CDH12: variants seen among roughly 807,000 people sequenced by gnomAD.
CDH12 encodes the protein cadherin 12, also known as cadherin-12.
CDH12 carries 41 observed loss-of-function variants against 74.1 expected under a neutral mutation model. That is an observed-to-expected ratio of 0.55 (90% CI 0.43 to 0.72). The LOEUF (loss-of-function observed/expected upper bound fraction) is 0.72, where lower values mean the gene tolerates loss of function less well. Among genes scored for constraint, CDH12 ranks in the 30% least tolerant of loss-of-function variants. CDH12 has a pLI of 0.00. For synonymous variants in CDH12, 399 were observed against 355.0 expected (o/e 1.12, Z -1.39); for missense variants, 945 against 977.2 (o/e 0.97, Z 0.44).
At chr5:22,150,736 C>T (rs1036598868) in intron 4 of CDH12, among the ~76,000 whole-genome samples, 3 of 152,026 alleles carry the variant, frequency 2.0e-5, no homozygotes, top group African/African-American at 4.8e-5. Context: ...AAGCACTGGG[C>T]CAGACAGACC....
At chr5:21,859,534 C>T (rs1425962633) in intron 6 of CDH12, among the ~76,000 whole-genome samples, 2 of 151,848 alleles carry the variant, frequency 1.3e-5, no homozygotes, top group African/African-American at 4.8e-5. Flanking sequence ...CTCGCATAGC[C>T]AGGATTCACC....
intron 1 of CDH12, among the ~76,000 whole-genome samples, chr5:22,787,138 C>CA (rs554678377): frequency 6.7e-6 from 1 of 148,662 alleles, no homozygotes; most frequent in Non-Finnish European, 1.5e-5. Context: ...CACACACACA[C>CA]CACACACACA....
At chr5:22,553,280 A>G (rs1404973306) in intron 1 of CDH12, among the ~76,000 whole-genome samples, 1 of 152,196 alleles carries the variant, frequency 6.6e-6, no homozygotes, top group Non-Finnish European at 1.5e-5. Flanking sequence ...AATTTCAAAG[A>G]GTAAATATAT....
At chr5:22,644,073 T>C (rs562291255) in intron 1 of CDH12, among the ~76,000 whole-genome samples, 1 of 152,166 alleles carries the variant, frequency 6.6e-6, no homozygotes, top group African/African-American at 2.4e-5. Context: ...CTTCCTCTCC[T>C]CGGTGCTCCG....
At chr5:21,884,301 G>A (rs1752515598) in intron 6 of CDH12, 1 of 1,412,688 alleles carries the variant, frequency 7.1e-7, no homozygotes, top group Non-Finnish European at 1.0e-6. Context: ...TATGGGAGGT[G>A]GCATGTTCTA....
At chr5:22,305,393 T>G (rs1186469155) in intron 3 of CDH12, among the ~76,000 whole-genome samples, 2 of 152,202 alleles carry the variant, frequency 1.3e-5, no homozygotes, top group Non-Finnish European at 2.9e-5. Flanking sequence ...GCTAAGATAG[T>G]GTCTGTGTAT....
chr5:22,309,509 C>CAT (rs951510418), intron 3 of CDH12, among the ~76,000 whole-genome samples: 10 of 152,034 alleles, frequency 6.6e-5, no homozygotes, highest in Admixed American at 2.6e-4. Context: ...TCTCGATATA[C>CAT]ATATATATAG....
intron 1 of CDH12, among the ~76,000 whole-genome samples, chr5:22,774,259 A>T (rs1746971237): frequency 6.6e-6 from 1 of 152,210 alleles, no homozygotes; most frequent in Non-Finnish European, 1.5e-5. Context: ...AATAAAGAAA[A>T]TGTGATACAT....
Position 22,078,464 on chromosome 5 carries a change from C to A in CDH12, c.213G>T (p.Glu71Asp). The change falls in exon 5 of 15, where the codon GAG (glutamate) becomes GAT (aspartate). Residue 71 changes from glutamate to aspartate, a missense_variant. Glu to Asp is a conservative substitution (Grantham distance 45). This residue lies in a region of CDH12 where 148 missense variants were observed against 162.8 expected (regional missense o/e 0.91). Coordinates refer to ENST00000382254, the MANE Select transcript of CDH12 (RefSeq NM_004061.5). ...FFVLEEYVGS[E>D]PQYVGKLHSD... ...CCATTACCTTTCCCACATACTGAGGCTCGGAGCCCACGTATTCTTCCAGCA... is the reference window on the plus strand; with the variant it reads ...CCATTACCTTTCCCACATACTGAGGATCGGAGCCCACGTATTCTTCCAGCA... The A allele has an allele frequency of 6.8e-6, 11 of 1,613,734 alleles. No individual in the cohort carries two copies. The highest frequency in any genetic ancestry group is 9.3e-6 in the Non-Finnish European group (11 of 1,179,758).
chr5:21,942,063 G>A (rs1352520745), intron 6 of CDH12, among the ~76,000 whole-genome samples: 1 of 152,066 alleles, frequency 6.6e-6, no homozygotes, highest in Non-Finnish European at 1.5e-5. Flanking sequence ...GAACCCAAGT[G>A]GAGTTCTTGT....
At chr5:22,775,930 C>G (rs752029539) in intron 1 of CDH12, among the ~76,000 whole-genome samples, 1 of 152,044 alleles carries the variant, frequency 6.6e-6, no homozygotes, top group Non-Finnish European at 1.5e-5. Flanking sequence ...CCCTTGAGAT[C>G]TGATGGGTTT....
At chr5:22,293,278 C>G (rs1247964188) in intron 3 of CDH12, among the ~76,000 whole-genome samples, 1 of 152,118 alleles carries the variant, frequency 6.6e-6, no homozygotes, top group Admixed American at 6.6e-5. Context: ...AACCCCTACC[C>G]TCCTTTGTTT....
At chr5:22,430,015 T>C (rs554990852) in intron 2 of CDH12, among the ~76,000 whole-genome samples, 18 of 152,296 alleles carry the variant, frequency 1.2e-4, no homozygotes, top group African/African-American at 4.3e-4. Context: ...AATCTATTGG[T>C]TACAGATGGT....
chr5:21,955,698 G>T lies in CDH12; in HGVS notation c.526+19393C>A, dbSNP rs1401247146. Among the ~76,000 whole-genome samples the T allele has an allele frequency of 2.0e-5, 3 of 152,044 alleles. No homozygotes were observed. The East Asian group carries it at 5.8e-4, about 29-fold the overall frequency. ...CTTCTTAAGGAGCCCTCCCCTAAAA[G>T]ATTGAGATGACCAAATCTTATACTC... On this transcript the variant is annotated intron_variant, in intron 6 of 14. Transcript: ENST00000382254.
chr5:22,360,023 A>G (rs1740731346), intron 3 of CDH12, among the ~76,000 whole-genome samples: 1 of 152,208 alleles, frequency 6.6e-6, no homozygotes. Flanking sequence ...TAAAAGAACT[A>G]GAGAAGCAAG....
At chr5:22,098,486 CAG>C in intron 4 of CDH12, among the ~76,000 whole-genome samples, 1 of 152,164 alleles carries the variant, frequency 6.6e-6, no homozygotes, top group African/African-American at 2.4e-5. Context: ...TGTTTGCGTG[CAG>C]CAGCTGCCGC....
intron 2 of CDH12, among the ~76,000 whole-genome samples, chr5:22,481,779 C>T (rs1746393925): frequency 6.6e-6 from 1 of 152,132 alleles, no homozygotes; most frequent in Non-Finnish European, 1.5e-5. Context: ...TGCTGTACAA[C>T]ACAGTGCCTA....
intron 1 of CDH12, among the ~76,000 whole-genome samples, chr5:22,550,088 C>T (rs994634139): frequency 6.6e-6 from 1 of 152,146 alleles, no homozygotes; most frequent in Admixed American, 6.6e-5. Flanking sequence ...TCACTGCTTC[C>T]GTTTCTTGAA....
chr5:21,992,689 C>T (rs1447535924), intron 5 of CDH12, among the ~76,000 whole-genome samples: 3 of 151,928 alleles, frequency 2.0e-5, no homozygotes, highest in Admixed American at 2.0e-4. Context: ...ACAATTTTTC[C>T]TTCTCCATGT....
Sources: allele counts gnomAD v4.1 joint callset (sites outside exome capture counted in the v4.1 genomes callset), GRCh38; gene constraint gnomAD v4.1.1; regional missense constraint gnomAD v4.1.1; transcripts MANE v1.5; gene names NCBI Gene and HGNC (gene_info 2026-07-23, HGNC 2026-07-21).